PHLPP2: variants seen among roughly 807,000 people sequenced by gnomAD.
PHLPP2 encodes PH domain and leucine rich repeat protein phosphatase 2.
PHLPP2 carries 66 observed loss-of-function variants against 124.9 expected under a neutral mutation model. The ratio of observed to expected loss-of-function variants is 0.53; its 90% confidence interval spans 0.43 to 0.65. PHLPP2 has a LOEUF of 0.65. Ranked by LOEUF, PHLPP2 falls within the 30% of genes least tolerant of loss-of-function variation. The pLI is 0.00. For synonymous variants in PHLPP2, 681 were observed against 624.7 expected, an observed-to-expected ratio of 1.09 and a Z score of -1.34; for missense variants, 1,685 against 1,600.4, an observed-to-expected ratio of 1.05 and a Z score of -0.90.
intron 17 of PHLPP2, 35 bp from the exon 18 acceptor site, chr16:71,653,056 G>A: frequency 4.9e-6 from 7 of 1,432,392 alleles, no homozygotes; most frequent in Non-Finnish European, 6.8e-6. Flanking sequence ...AGACGTGGTG[G>A]CTAGTTTTAG....
intron 2 of PHLPP2, among the ~76,000 whole-genome samples, chr16:71,706,674 T>A (rs1255457047): frequency 6.6e-6 from 1 of 152,184 alleles, no homozygotes; most frequent in Non-Finnish European, 1.5e-5. Context: ...ATTACAAAAC[T>A]ATGTCTATTT....
At chr16:71,693,865 C>T (rs556857785) in intron 3 of PHLPP2, among the ~76,000 whole-genome samples, 1 of 152,168 alleles carries the variant, frequency 6.6e-6, no homozygotes, top group Non-Finnish European at 1.5e-5. Context: ...GAAAACTTTC[C>T]TATCAGCTAG....
rs375738138 is a variant in PHLPP2, at chr16:71,663,966, G to C, written c.1918C>G (p.Leu640Val). The C allele has an allele frequency of 6.2e-7, 1 of 1,614,006 alleles. No homozygotes were observed. The highest frequency in any genetic ancestry group is 1.1e-5 in the South Asian group (1 of 91,084). ...ATTCGCAGGTGCAGGTGCCCTACCAGGACAGGTATGCACTGATCCGTCAGG... is the reference window on the plus strand; with the variant it reads ...ATTCGCAGGTGCAGGTGCCCTACCACGACAGGTATGCACTGATCCGTCAGG... ...NLLTDQCIPV[L>V]VGHLHLRILH... Residue 640 changes from leucine to valine, a missense_variant, in exon 13 of 19, where the codon CTG (leucine) becomes GTG (valine). Leu to Val is a conservative substitution (Grantham distance 32). Transcript: ENST00000568954.
At chr16:71,659,247 ATTTTTTTTT>A (rs11357819) in intron 13 of PHLPP2, among the ~76,000 whole-genome samples, 1 of 89,866 alleles carries the variant, frequency 1.1e-5, no homozygotes, top group African/African-American at 4.2e-5. Flanking sequence ...CATCACAAAG[ATTTTTTTTT>A]TTTTTTTTTT....
intron 12 of PHLPP2, 41 bp downstream of exon 12, chr16:71,667,137 C>G: frequency 1.3e-6 from 2 of 1,550,800 alleles, no homozygotes; most frequent in Non-Finnish European, 1.8e-6. Context: ...TCTGTTTAGC[C>G]AATGATTCTG....
chr16:71,671,715 C>T (rs2044894757), intron 10 of PHLPP2, among the ~76,000 whole-genome samples: 1 of 151,786 alleles, frequency 6.6e-6, no homozygotes, highest in Admixed American at 6.6e-5. Flanking sequence ...GAGATCCAGA[C>T]CATCCTGGCT....
chr16:71,715,031 TTC>T (rs1016331709), intron 1 of PHLPP2: 2 of 561,944 alleles, frequency 3.6e-6, no homozygotes, highest in South Asian at 2.4e-5. Context: ...GACCTCTCTT[TTC>T]CTTGTGTTTT....
In PHLPP2 at chr16:71,667,307, T is replaced by A; in HGVS notation, c.1655A>T (p.Lys552Ile). The A allele has an allele frequency of 1.9e-6, 3 of 1,613,546 alleles. No homozygotes were observed. Among genetic ancestry groups the A allele is most frequent in the East Asian group, 2.2e-5 (1 of 44,854 alleles). Reference protein sequence around the residue: ...VRILSSLSLRKLMLGHNHVQN... With the variant: ...VRILSSLSLRILMLGHNHVQN... ...CACATGATTGTGTCCCAGCATCAGT[T>A]TTCTAAGACTCAAGCTACTCAGAAT... The change falls in exon 12 of 19, where the codon AAA (lysine) becomes ATA (isoleucine). Residue 552 changes from lysine to isoleucine, a missense_variant. Transcript: ENST00000568954.
chr16:71,666,404 TTAG>T (rs1371971049), intron 12 of PHLPP2, among the ~76,000 whole-genome samples: 1 of 151,988 alleles, frequency 6.6e-6, no homozygotes, highest in African/African-American at 2.4e-5. Flanking sequence ...TCCCAACTAC[TTAG>T]TAGGCTGAGG....
intron 9 of PHLPP2, among the ~76,000 whole-genome samples, chr16:71,676,206 A>G (rs926688132): frequency 6.6e-6 from 1 of 152,128 alleles, no homozygotes; most frequent in Non-Finnish European, 1.5e-5. Flanking sequence ...CACCACCACT[A>G]TTCTGTGGAA....
chr16:71,653,049 C>G, intron 17 of PHLPP2, 28 bp from the exon 18 acceptor site: 1 of 1,468,894 alleles, frequency 6.8e-7, no homozygotes, highest in South Asian at 1.1e-5. Context: ...GAAAAGAAGA[C>G]GTGGTGGCTA....
At chr16:71,654,120 G>A (rs368626303) in intron 17 of PHLPP2, among the ~76,000 whole-genome samples, 80 of 151,488 alleles carry the variant, frequency 5.3e-4, no homozygotes, top group Non-Finnish European at 8.5e-4. Flanking sequence ...GCGTGAACCC[G>A]GGAGACGGAG....
At position 71,688,039 on chromosome 16, in the gene PHLPP2, G is replaced by A. The variant is rs188154121; in HGVS notation, c.609+2480C>T. Among the ~76,000 whole-genome samples the A allele has an allele frequency of 3.3e-5, 5 of 152,212 alleles. No homozygotes were observed. The East Asian group carries it at 7.7e-4, about 23-fold the overall frequency. On this transcript the variant is annotated intron_variant, in intron 4 of 18. Transcript: ENST00000568954. ...GACCCAGGCTCCTTCTTCCTCAAAC[G>A]TTACACTGGACATATGTTTGCCAAC...
intron 13 of PHLPP2, among the ~76,000 whole-genome samples, chr16:71,660,186 C>T (rs2044776357): frequency 6.6e-6 from 1 of 151,630 alleles, no homozygotes; most frequent in African/African-American, 2.4e-5. Context: ...TTTCTTAAGG[C>T]ATGAAACTAC....
At chr16:71,657,544 G>C (rs12051449) in intron 15 of PHLPP2, among the ~76,000 whole-genome samples, 1 of 150,854 alleles carries the variant, frequency 6.6e-6, no homozygotes, top group Non-Finnish European at 1.5e-5. Context: ...ACAGGCGCCC[G>C]CCACCTCGCC....
intron 11 of PHLPP2, among the ~76,000 whole-genome samples, chr16:71,669,021 G>A (rs2044865922): frequency 6.6e-6 from 1 of 152,002 alleles, no homozygotes; most frequent in Non-Finnish European, 1.5e-5. Context: ...CCAACCTATG[G>A]CAGCAACTCT....
intron 1 of PHLPP2, among the ~76,000 whole-genome samples, chr16:71,719,029 G>GA (rs569646105): frequency 2.4e-4 from 37 of 152,246 alleles, no homozygotes; most frequent in Middle Eastern, 3.4e-3. Context: ...TTAACTGCTG[G>GA]AAAAACCTTC....
chr16:71,684,635 TAAA>T, intron 4 of PHLPP2, 34 bp from the exon 5 acceptor site: 2 of 1,198,138 alleles, frequency 1.7e-6, no homozygotes, highest in East Asian at 3.1e-5. Context: ...CCAGAACCAC[TAAA>T]AAAAAAAATC....
intron 11 of PHLPP2, among the ~76,000 whole-genome samples, chr16:71,668,898 T>A (rs901450989): frequency 6.6e-6 from 1 of 152,214 alleles, no homozygotes. Context: ...CTATTAAATA[T>A]ATGATAAGGT....
Sources: allele counts gnomAD v4.1 joint callset (sites outside exome capture counted in the v4.1 genomes callset), GRCh38; gene constraint gnomAD v4.1.1; transcripts MANE v1.5; gene names NCBI Gene and HGNC (gene_info 2026-07-23, HGNC 2026-07-21).